Variants in MAP1LC3B2 observed in about 807,000 individuals in gnomAD.
MAP1LC3B2 encodes microtubule-associated protein 1 light chain 3 beta 2.
For synonymous variants in MAP1LC3B2, 62 were observed against 57.8 expected (o/e 1.07, Z -0.33); for missense variants, 155 against 154.6 (o/e 1.00, Z -0.01).
Position 116,575,992 on chromosome 12 carries a change from T to G in MAP1LC3B2, c.50T>G (p.Val17Gly). Reference protein sequence around the residue: ...FKQRRTFEQRVEDVRLIREQH... With the variant: ...FKQRRTFEQRGEDVRLIREQH... ...CAGCGGCGCACCTTCGAACAAAGAGTAGAAGATGTCCGACTTATTCGAGAG... is the reference window on the plus strand; with the variant it reads ...CAGCGGCGCACCTTCGAACAAAGAGGAGAAGATGTCCGACTTATTCGAGAG... Residue 17 changes from valine to glycine, a missense_variant, in exon 2 of 2, where the codon GTA (valine) becomes GGA (glycine). Transcript: ENST00000556529. 1 of 1,613,862 alleles carries G rather than the reference T, an allele frequency of 6.2e-7. No homozygotes were observed. The highest frequency in any genetic ancestry group is 8.5e-7 in the Non-Finnish European group (1 of 1,179,986).
At chr12:116,566,488 T>C (rs1357513312) in intron 1 of MAP1LC3B2, among the ~76,000 whole-genome samples, 1 of 152,086 alleles carries the variant, frequency 6.6e-6, no homozygotes, top group Non-Finnish European at 1.5e-5. Context: ...TGTGTGTGTG[T>C]GTAACCTCTA....
At chr12:116,560,188 C>CTATATGTATATA (rs1869217282) in intron 1 of MAP1LC3B2, 1 of 88,432 alleles carries the variant, frequency 1.1e-5, no homozygotes, top group South Asian at 3.6e-4. Flanking sequence ...CTAAGTTTGG[C>CTATATGTATATA]TATATATATA....
intron 1 of MAP1LC3B2, among the ~76,000 whole-genome samples, chr12:116,573,337 T>C (rs1397725921): frequency 5.9e-5 from 9 of 152,206 alleles, no homozygotes; most frequent in Non-Finnish European, 1.3e-4. Flanking sequence ...TACATTATTT[T>C]TCACAGCTGA....
At chr12:116,570,238 G>C (rs1592868040) in intron 1 of MAP1LC3B2, among the ~76,000 whole-genome samples, 1 of 152,112 alleles carries the variant, frequency 6.6e-6, no homozygotes, top group Non-Finnish European at 1.5e-5. Context: ...TCAACTTTAT[G>C]ATGGTGCAAA....
chr12:116,560,317 C>T (rs1353392336), intron 1 of MAP1LC3B2, among the ~76,000 whole-genome samples: 2 of 150,598 alleles, frequency 1.3e-5, no homozygotes, highest in South Asian at 2.1e-4. Context: ...GGCGCGCTCT[C>T]GGCTCGCTGC....
chr12:116,572,976 G>C (rs1459810644), intron 1 of MAP1LC3B2, among the ~76,000 whole-genome samples: 7 of 152,044 alleles, frequency 4.6e-5, no homozygotes, highest in African/African-American at 1.7e-4. Flanking sequence ...TGTCTCCCAG[G>C]GCCAGTGGCA....
At position 116,559,413 on chromosome 12, in the gene MAP1LC3B2, G is replaced by A. The variant is rs1329789268; in HGVS notation, c.-122G>A. 6.6e-6 allele frequency: 1 copy of A among 152,196 alleles called. No individual in the cohort carries two copies. The highest frequency in any genetic ancestry group is 1.5e-5 in the Non-Finnish European group (1 of 68,096). 9.4% of individuals were successfully genotyped at this position (152,196 alleles called of 1,614,324 possible). A position where few individuals can be genotyped will look rare whatever the true frequency, so the allele number is the denominator to read the frequency against. On this transcript the variant is annotated 5_prime_UTR_variant, in exon 1 of 2. Coordinates refer to ENST00000556529, the MANE Select transcript of MAP1LC3B2 (RefSeq NM_001085481.3). ...TCGCAGCCACCTCTCGGGAGTGCAG[G>A]GCCAGATCCTGTGCCAGCGGGTAGG...
Position 116,575,925 on chromosome 12 carries a change from G to T in MAP1LC3B2, c.-18G>T, listed in dbSNP as rs7303998. The T allele has an allele frequency of 1.4e-5, 23 of 1,613,662 alleles. No homozygotes were observed. The highest frequency in any genetic ancestry group is 2.7e-5 in the African/African-American group (2 of 74,832). On this transcript the variant is annotated 5_prime_UTR_variant, in exon 2 of 2. Transcript: ENST00000556529. ...GGGACCCTCGCGTCGTCGCCGCCGC[G>T]GCCCAGATCCCCACACCATGCCGTC...
At chr12:116,566,962 A>G (rs1869403678) in intron 1 of MAP1LC3B2, among the ~76,000 whole-genome samples, 1 of 129,210 alleles carries the variant, frequency 7.7e-6, no homozygotes, top group East Asian at 2.4e-4. Context: ...AAAAAAAAAA[A>G]AAAAAAAAAG....
intron 1 of MAP1LC3B2, among the ~76,000 whole-genome samples, chr12:116,565,894 A>G (rs1869373150): frequency 1.3e-5 from 2 of 152,242 alleles, no homozygotes; most frequent in South Asian, 4.1e-4. Flanking sequence ...TATTTACGAA[A>G]GCACAAAATC....
intron 1 of MAP1LC3B2, chr12:116,560,222 A>ATGTATGTATG (rs1566022589): frequency 2.8e-5 from 2 of 72,604 alleles, no homozygotes; most frequent in African/African-American, 9.8e-5. Context: ...ATATATATAT[A>ATGTATGTATG]TATATATATA....
rs1484902054 is a variant in MAP1LC3B2, at chr12:116,571,647, A to AT, written c.-101-4188dup. Among the ~76,000 whole-genome samples the AT allele has an allele frequency of 6.6e-5, 10 of 150,494 alleles. No individual in the cohort carries two copies. In the East Asian group the frequency reaches 1.2e-3, roughly 18 times the overall value. On this transcript the variant is annotated intron_variant, in intron 1 of 1. Coordinates refer to ENST00000556529, the MANE Select transcript of MAP1LC3B2 (RefSeq NM_001085481.3). The stretch of plus-strand genomic sequence containing the variant: ...AGGTGCCCACCACCACACCCAGCTA[A>AT]TTTTTTTGTATTTTTAGTAGAGACG...
chr12:116,566,209 T>C lies in MAP1LC3B2; in HGVS notation c.-102+6776T>C, dbSNP rs139337349. Among the ~76,000 whole-genome samples the C allele has an allele frequency of 7.4e-3, 1,133 of 152,320 alleles. 5 individuals carry two copies. Among genetic ancestry groups the C allele is most frequent in the Middle Eastern group, 0.014 (4 of 294 alleles). ...GAAGGGCAAGCTTGAACCTGTGTCC[T>C]GGGAACAAAACATGCAGCAAAATGC... On this transcript the variant is annotated intron_variant, in intron 1 of 1. Coordinates refer to ENST00000556529, the MANE Select transcript of MAP1LC3B2 (RefSeq NM_001085481.3).
intron 1 of MAP1LC3B2, among the ~76,000 whole-genome samples, chr12:116,565,497 C>T (rs1478400769): frequency 6.6e-6 from 1 of 152,238 alleles, no homozygotes; most frequent in Non-Finnish European, 1.5e-5. Flanking sequence ...TTATCTCCCT[C>T]TGGGTCCCTC....
In MAP1LC3B2 at chr12:116,576,013, G is replaced by A. The variant is rs375931993; in HGVS notation, c.71G>A (p.Arg24Gln). 13 of 1,614,066 alleles carry A rather than the reference G, an allele frequency of 8.1e-6. No individual in the cohort carries two copies. The Admixed American group carries it at 1.2e-4, about 14-fold the overall frequency. The change falls in exon 2 of 2, where the codon CGA becomes CAA. Residue 24 changes from arginine (R) to glutamine (Q), a missense_variant. Physicochemically the swap from Arg to Gln is conservative, Grantham distance 43 (BLOSUM62 1). Coordinates refer to ENST00000556529, the MANE Select transcript of MAP1LC3B2 (RefSeq NM_001085481.3). Reference protein sequence around the residue: ...EQRVEDVRLIREQHPTKIPVI... With the variant: ...EQRVEDVRLIQEQHPTKIPVI... ...AGAGTAGAAGATGTCCGACTTATTC[G>A]AGAGCAGCATCCAACCAAAATCCCG...
intron 1 of MAP1LC3B2, among the ~76,000 whole-genome samples, chr12:116,564,632 T>C (rs571413875): frequency 6.6e-6 from 1 of 152,320 alleles, no homozygotes; most frequent in Non-Finnish European, 1.5e-5. Context: ...TCCTTGACAG[T>C]CTTGTATCAT....
chr12:116,568,226 A>G (rs1461067407), intron 1 of MAP1LC3B2, among the ~76,000 whole-genome samples: 1 of 152,192 alleles, frequency 6.6e-6, no homozygotes, highest in Non-Finnish European at 1.5e-5. Context: ...GCTGAGAGTA[A>G]CAGGCCCTTT....
At chr12:116,566,504 C>T (rs188489201) in intron 1 of MAP1LC3B2, among the ~76,000 whole-genome samples, 2 of 146,814 alleles carry the variant, frequency 1.4e-5, no homozygotes, top group East Asian at 4.2e-4. Context: ...CTCTACAAAA[C>T]AAAACACCCC....
chr12:116,567,759 T>A (rs11068079), intron 1 of MAP1LC3B2, among the ~76,000 whole-genome samples: 52 of 150,222 alleles, frequency 3.5e-4, no homozygotes, highest in African/African-American at 1.2e-3. Context: ...AAAATAAAAA[T>A]AAAAAAATAT....
Sources: allele counts gnomAD v4.1 joint callset (sites outside exome capture counted in the v4.1 genomes callset), GRCh38; gene constraint gnomAD v4.1.1; transcripts MANE v1.5; gene names NCBI Gene and HGNC (gene_info 2026-07-23, HGNC 2026-07-21).